PHC1: variants seen among roughly 807,000 people sequenced by gnomAD.
PHC1 encodes polyhomeotic-like protein 1.
A neutral mutation model predicts 104.3 loss-of-function variants in PHC1; 12 were observed. That is an observed-to-expected ratio of 0.12 (90% CI 0.07 to 0.19). The LOEUF (loss-of-function observed/expected upper bound fraction) is 0.19. PHC1 is among the 10% of genes least tolerant of loss of function. The probability of loss-of-function intolerance (pLI) is 1.00; values close to 1 mark genes in which losing one functional copy is unlikely to be tolerated. For missense variants in PHC1, 671 were observed against 1,200.0 expected, an observed-to-expected ratio of 0.56 and a Z score of 6.51; for synonymous variants, 302 against 455.8, an observed-to-expected ratio of 0.66 and a Z score of 4.30.
At chr12:8,921,890 T>A (rs1490989544) in intron 5 of PHC1, 140 bp downstream of exon 5, 9 of 746,128 alleles carry the variant, frequency 1.2e-5, no homozygotes, top group African/African-American at 1.8e-5. Context: ...AATGGCTCAC[T>A]GCAGCCTCTG....
rs1428376362 is a variant in PHC1, at chr12:8,935,172, G to T, written c.2302G>T (p.Gly768Cys). The T allele has an allele frequency of 6.3e-7, 1 of 1,593,328 alleles. No homozygotes were observed. The highest frequency in any genetic ancestry group is 1.1e-5 in the South Asian group (1 of 88,246). The change falls in exon 11 of 15, where the codon GGC becomes TGC. Residue 768 changes from glycine (G) to cysteine (C), a missense_variant. Physicochemically the swap from Gly to Cys is radical, Grantham distance 159. Transcript: ENST00000544916. The part of the protein sequence containing the change: ...LKESEKPLQT[G>C]LPTGLTENQS... ...GGAGTCTGAGAAGCCACTACAGACT[G>T]GCCTTCCGACAGGGCTGACTGAGAA...
In PHC1 at chr12:8,933,866, G is replaced by A. The variant is rs772463734; in HGVS notation, c.1895G>A (p.Gly632Asp). 7.4e-6 allele frequency: 12 copies of A among 1,612,700 alleles called. No homozygotes were observed. In the South Asian group the frequency reaches 1.1e-4, roughly 15 times the overall value. ...AFYMQSVHLPGKPQTLAVKRK... is the reference protein window; with the variant it reads ...AFYMQSVHLPDKPQTLAVKRK... ...TCTTTCCTATTCTTTACGGTATAGGGTAAACCCCAGACATTGGCTGTCAAA... is the reference window on the plus strand; with the variant it reads ...TCTTTCCTATTCTTTACGGTATAGGATAAACCCCAGACATTGGCTGTCAAA... Residue 632 changes from glycine (G) to aspartate (D), a missense_variant and splice_region_variant, in exon 9 of 15, where the codon GGT becomes GAT. Physicochemically the swap from Gly to Asp is moderately conservative, Grantham distance 94. Coordinates refer to ENST00000544916, the MANE Select transcript of PHC1 (RefSeq NM_004426.3).
Position 8,939,175 on chromosome 12 carries a change from G to A in PHC1, c.2861-130G>A, listed in dbSNP as rs910095425. 79 of 1,137,474 alleles carry A rather than the reference G, an allele frequency of 6.9e-5. 1 individual carries two copies. In the South Asian group the frequency reaches 1.1e-3, roughly 16 times the overall value. The allele number at this position is 1,137,474 out of a possible 1,614,324, so 70.5% of individuals were successfully genotyped here. A position where few individuals can be genotyped will look rare whatever the true frequency, so the allele number is the denominator to read the frequency against. Reference sequence around the variant, plus strand: ...TAATTTCATTTTGCTTTTAAAGCTTGCCATCTGACTTCATATTACTGAATT... The same window carrying A: ...TAATTTCATTTTGCTTTTAAAGCTTACCATCTGACTTCATATTACTGAATT... On this transcript the variant is annotated intron_variant, in intron 14 of 14. Transcript: ENST00000544916.
intron 2 of PHC1, among the ~76,000 whole-genome samples, chr12:8,918,205 AT>A (rs1945255464): frequency 6.6e-6 from 1 of 152,196 alleles, no homozygotes; most frequent in Non-Finnish European, 1.5e-5. Flanking sequence ...TTTAGCAAAT[AT>A]TTTGGTTACT....
intron 3 of PHC1, 128 bp from the exon 4 acceptor site, chr12:8,920,857 C>T: frequency 1.6e-6 from 1 of 632,972 alleles, no homozygotes; most frequent in Middle Eastern, 2.6e-4. Context: ...TTTCTTTACC[C>T]TAAAGTGGAA....
At chr12:8,923,549 C>T (rs1362907649) in intron 6 of PHC1, among the ~76,000 whole-genome samples, 4 of 152,168 alleles carry the variant, frequency 2.6e-5, no homozygotes, top group Non-Finnish European at 5.9e-5. Context: ...TTGGGAAAGG[C>T]CGGGCGCGGT....
At chr12:8,929,171 T>C (rs1945612060) in intron 6 of PHC1, among the ~76,000 whole-genome samples, 1 of 152,258 alleles carries the variant, frequency 6.6e-6, no homozygotes, top group South Asian at 2.1e-4. Flanking sequence ...TGAATGTTTA[T>C]TTTGATTAAT....
chr12:8,927,901 CTTTCT>C (rs1945569997), intron 6 of PHC1, among the ~76,000 whole-genome samples: 1 of 108,032 alleles, frequency 9.3e-6, no homozygotes, highest in South Asian at 3.2e-4. Context: ...TTCTTTCTTT[CTTTCT>C]TTCTTTCTTT....
rs148027974 is a variant in PHC1, at chr12:8,917,706, A to G, written c.29A>G (p.Asn10Ser). The change falls in exon 2 of 15, where the codon AAT becomes AGT. Residue 10 changes from asparagine (N) to serine (S), a missense_variant. Transcript: ENST00000544916. The part of the protein sequence containing the change: METESEQNS[N>S]STNGSSSSGG... Reference sequence around the variant, plus strand: ...GAGACTGAGAGCGAGCAGAACTCCAATTCCACCAATGGGAGTTCTAGCTCA... The same window carrying G: ...GAGACTGAGAGCGAGCAGAACTCCAGTTCCACCAATGGGAGTTCTAGCTCA... 4.1e-5 allele frequency: 64 copies of G among 1,569,334 alleles called. No homozygotes were observed. The African/African-American group carries it at 7.0e-4, about 17-fold the overall frequency.
At chr12:8,928,803 CTT>C (rs755486400) in intron 6 of PHC1, among the ~76,000 whole-genome samples, 102 of 152,250 alleles carry the variant, frequency 6.7e-4, no homozygotes, top group Admixed American at 2.1e-3. Flanking sequence ...TGTATGTACA[CTT>C]TTGGAGAGTG....
chr12:8,938,641 T>C (rs1297050796), intron 14 of PHC1, among the ~76,000 whole-genome samples: 1 of 152,170 alleles, frequency 6.6e-6, no homozygotes, highest in Non-Finnish European at 1.5e-5. Flanking sequence ...CCCTTCTTGC[T>C]ATTTGTCTGA....
At position 8,918,685 on chromosome 12, in the gene PHC1, C is replaced by T. The variant is rs75203049; in HGVS notation, c.114+894C>T. Among the ~76,000 whole-genome samples, 5 of 152,198 alleles carry T rather than the reference C, an allele frequency of 3.3e-5. No individual in the cohort carries two copies. In the South Asian group the frequency reaches 1.0e-3, roughly 32 times the overall value. On this transcript the variant is annotated intron_variant, in intron 2 of 14. Coordinates refer to ENST00000544916, the MANE Select transcript of PHC1 (RefSeq NM_004426.3). Reference sequence around the variant, plus strand: ...GGCATTTTGTTTATTTTCACCCGATCTAGTCTTTGCTATGGCATGTATTTC... The same window carrying T: ...GGCATTTTGTTTATTTTCACCCGATTTAGTCTTTGCTATGGCATGTATTTC...
In PHC1 at chr12:8,919,352, C is replaced by T. The variant is rs965751581; in HGVS notation, c.115-404C>T. On this transcript the variant is annotated intron_variant, in intron 2 of 14. Transcript: ENST00000544916. The surrounding 1 kb of genome is among the most constrained non-coding windows in gnomAD (Gnocchi z 4.9). Reference sequence around the variant, plus strand: ...CTGGGATTACAGGCAGGAGCCACCACGCCTGGCTCAGAAAGATCTCTTGAG... The same window carrying T: ...CTGGGATTACAGGCAGGAGCCACCATGCCTGGCTCAGAAAGATCTCTTGAG... Among the ~76,000 whole-genome samples, 6 of 152,090 alleles carry T rather than the reference C, an allele frequency of 3.9e-5. No individual in the cohort carries two copies. The highest frequency in any genetic ancestry group is 3.3e-4 in the Admixed American group (5 of 15,272).
intron 6 of PHC1, among the ~76,000 whole-genome samples, chr12:8,927,751 C>G (rs1322232428): frequency 6.6e-6 from 1 of 152,158 alleles, no homozygotes; most frequent in Non-Finnish European, 1.5e-5. Context: ...TGCTCTAGCA[C>G]CCAATCCTGA....
intron 1 of PHC1, among the ~76,000 whole-genome samples, chr12:8,917,228 C>G (rs759576661): frequency 6.6e-6 from 1 of 152,296 alleles, no homozygotes; most frequent in African/African-American, 2.4e-5. Context: ...TATGGTGACT[C>G]ATTTGGATGA....
In PHC1 at chr12:8,922,755, T is replaced by C; in HGVS notation, c.579T>C (p.Ala193=). 6.2e-7 allele frequency: 1 copy of C among 1,612,904 alleles called. No individual in the cohort carries two copies. Among genetic ancestry groups the C allele is most frequent in the Non-Finnish European group, 8.5e-7 (1 of 1,179,598 alleles). The change falls in exon 6 of 15, where the codon GCT becomes GCC. Residue 193 remains alanine (A), a synonymous_variant. Transcript: ENST00000544916. Reference sequence around the variant, plus strand: ...CAGTCCAGCAGGAGGTGCCATCTGCTCAGTCTCCTGGAGTTCATGCAGATG... The same window carrying C: ...CAGTCCAGCAGGAGGTGCCATCTGCCCAGTCTCCTGGAGTTCATGCAGATG... The part of the protein sequence containing the change: ...VAAVQQEVPS[A]QSPGVHADAD...
At chr12:8,920,203 AAAG>A (rs1565512639) in intron 3 of PHC1, among the ~76,000 whole-genome samples, 1 of 152,260 alleles carries the variant, frequency 6.6e-6, no homozygotes, top group East Asian at 1.9e-4. Flanking sequence ...TAGTACAAAA[AAAG>A]GTAAAATATC....
chr12:8,936,711 T>A, intron 11 of PHC1, 145 bp from the exon 12 acceptor site: 1 of 624,374 alleles, frequency 1.6e-6, no homozygotes, highest in South Asian at 2.0e-5. Context: ...TTTTGAACTT[T>A]GCGTTTTAGG....
Position 8,921,377 on chromosome 12 carries a change from C to G in PHC1, c.307-224C>G, listed in dbSNP as rs1029927880. Among the ~76,000 whole-genome samples, 8 of 152,142 alleles carry G rather than the reference C, an allele frequency of 5.3e-5. 1 individual carries two copies. The highest frequency in any genetic ancestry group is 1.0e-4 in the Non-Finnish European group (7 of 68,024). On this transcript the variant is annotated intron_variant, in intron 4 of 14. Transcript: ENST00000544916. ...CTGTTTCAATCTTTTGTCTTCTCAA[C>G]TGTTAACACTAGTGGTTAGAGACTG...
Sources: allele counts gnomAD v4.1 joint callset (sites outside exome capture counted in the v4.1 genomes callset), GRCh38; gene constraint gnomAD v4.1.1; non-coding constraint Gnocchi (gnomAD v3.1); transcripts MANE v1.5; gene names NCBI Gene and HGNC (gene_info 2026-07-23, HGNC 2026-07-21).